Variants in COL7A1 observed in about 807,000 individuals in gnomAD.
COL7A1 encodes collagen alpha-1(VII) chain.
COL7A1 carries 296 observed loss-of-function variants against 456.2 expected under a neutral mutation model. The ratio of observed to expected loss-of-function variants is 0.65; its 90% CI spans 0.59 to 0.71. COL7A1 has a LOEUF of 0.71. COL7A1 is among the 30% of genes least tolerant of loss of function. COL7A1 has a pLI of 0.00. For missense variants in COL7A1, 3,441 were observed against 4,017.2 expected (o/e 0.86, Z 3.88); for synonymous variants, 1,464 against 1,525.9 (o/e 0.96, Z 0.95).
At position 48,570,728 on chromosome 3, in the gene COL7A1, C is replaced by A; in HGVS notation, c.7273-18G>T. ...GCCAGACCCTACCAGAAAAATGGGG[C>A]AAGAGAGGCAGAGAGTGACTTGGGA... On this transcript the variant is annotated intron_variant, in intron 95 of 118. Coordinates refer to ENST00000681320, the MANE Select transcript of COL7A1 (RefSeq NM_000094.4). The surrounding 1 kb of genome is among the most constrained non-coding windows in gnomAD (Gnocchi z 5.5). 3 of 1,567,496 alleles carry A rather than the reference C, an allele frequency of 1.9e-6. No individual in the cohort carries two copies. The highest frequency in any genetic ancestry group is 2.6e-6 in the Non-Finnish European group (3 of 1,155,164).
chr3:48,569,648 CCT>C lies in COL7A1; in HGVS notation c.7558-2_7558-1del. On this transcript the variant is annotated splice_acceptor_variant, in intron 101 of 118. Transcript: ENST00000681320. LOFTEE classifies it high-confidence loss of function. The surrounding 1 kb of genome is among the most constrained non-coding windows in gnomAD (Gnocchi z 4.9). ...GGCCCCAGGATCACAGCTGAGTCTC[CCT>C]GAGGGGGCAGGCAGGAATCAGAGGA... is the stretch of plus-strand genomic sequence containing the variant. The C allele has an allele frequency of 6.2e-7, 1 of 1,613,970 alleles. No homozygotes were observed. Among genetic ancestry groups the C allele is most frequent in the Non-Finnish European group, 8.5e-7 (1 of 1,179,948 alleles).
In COL7A1 at chr3:48,564,815, C is replaced by A; in HGVS notation, c.8786G>T (p.Cys2929Phe). 1 of 1,614,024 alleles carries A rather than the reference C, an allele frequency of 6.2e-7. No homozygotes were observed. Among genetic ancestry groups the A allele is most frequent in the East Asian group, 2.2e-5 (1 of 44,868 alleles). The change falls in exon 118 of 119, where the codon TGC (cysteine) becomes TTC (phenylalanine). Residue 2929 changes from cysteine to phenylalanine, a missense_variant. Physicochemically the swap from Cys to Phe is radical, Grantham distance 205. Around this residue, in one of 3 missense-constraint regions of COL7A1, gnomAD observed 2,084 missense variants for 2,501.3 expected, o/e 0.83. Transcript: ENST00000681320. This position sits in a 1 kb window ranked among gnomAD's most constrained non-coding sequence, Gnocchi z 6.0. Reference sequence around the variant, plus strand: ...CTGGCTCTGGACCACCCGGGGTGGGCAGCGGCGCTCGCAGGCCTCACGGGT... The same window carrying A: ...CTGGCTCTGGACCACCCGGGGTGGGAAGCGGCGCTCGCAGGCCTCACGGGT... The part of the protein sequence containing the change: ...FGTREACERR[C>F]PPRVVQSQGT...
In COL7A1 at chr3:48,564,994, G is replaced by C; in HGVS notation, c.8621-14C>G. On this transcript the variant is annotated splice_polypyrimidine_tract_variant and intron_variant, in intron 117 of 118. Coordinates refer to ENST00000681320, the MANE Select transcript of COL7A1 (RefSeq NM_000094.4). The surrounding 1 kb of genome is among the most constrained non-coding windows in gnomAD (Gnocchi z 6.0). ...GGGAACAGGGGTCTGGGCCAATGGG[G>C]TCAAGTCAGCAGGGTTTGTGGGAAT... 6.2e-7 allele frequency: 1 copy of C among 1,614,140 alleles called. No individual in the cohort carries two copies. Among genetic ancestry groups the C allele is most frequent in the Non-Finnish European group, 8.5e-7 (1 of 1,179,990 alleles).
intron 1 of COL7A1, 31 bp from the exon 2 acceptor site, chr3:48,595,191 C>T (rs1303735103): frequency 6.5e-7 from 1 of 1,530,814 alleles, no homozygotes; most frequent in Non-Finnish European, 8.8e-7. Flanking sequence ...GCTAGGACCC[C>T]CGCCTCTGTC....
Position 48,573,161 on chromosome 3 carries a change from G to A in COL7A1, c.6714+13C>T, listed in dbSNP as rs773128052. 1 of 1,614,046 alleles carries A rather than the reference G, an allele frequency of 6.2e-7. No individual in the cohort carries two copies. The highest frequency in any genetic ancestry group is 8.5e-7 in the Non-Finnish European group (1 of 1,179,944). ...ACACGGTGTCCCTACAGGGGCCACA[G>A]GGACTCACTCACCACAAGGCCTGAA... On this transcript the variant is annotated intron_variant, in intron 85 of 118. Transcript: ENST00000681320. This position sits in a 1 kb window ranked among gnomAD's most constrained non-coding sequence, Gnocchi z 5.5.
rs780130738 is a variant in COL7A1, at chr3:48,566,515, G to A, written c.8353C>T (p.Leu2785=). 8 of 1,613,670 alleles carry A rather than the reference G, an allele frequency of 5.0e-6. No homozygotes were observed. Among genetic ancestry groups the A allele is most frequent in the South Asian group, 1.1e-5 (1 of 91,084 alleles). ...CCATCCAGGCCCACACTCACCGTCA[G>A]TGCAGCTTCTCCCTTCTCGCCTCGA... ...GPRGEKGEAA[L]TEDDIRGFVR... is the part of the protein sequence containing the mutation. The change falls in exon 113 of 119, where the codon CTG becomes TTG. Residue 2785 remains leucine, a synonymous_variant. Transcript: ENST00000681320. This position sits in a 1 kb window ranked among gnomAD's most constrained non-coding sequence, Gnocchi z 5.9.
chr3:48,568,818 C>T lies in COL7A1; in HGVS notation c.7724G>A (p.Gly2575Glu), dbSNP rs1241915553. Residue 2575 changes from glycine (G) to glutamate (E), a missense_variant, in exon 104 of 119, where the codon GGG becomes GAG. This residue lies in a region of COL7A1 where 2,084 missense variants were observed against 2,501.3 expected (regional missense o/e 0.83). Coordinates refer to ENST00000681320, the MANE Select transcript of COL7A1 (RefSeq NM_000094.4). This position sits in a 1 kb window ranked among gnomAD's most constrained non-coding sequence, Gnocchi z 5.2. ...KGEPGDKGSA[G>E]LPGLRGLLGP... ...CAGGAGTCCACGCAGTCCTGGCAAC[C>T]CGGCTGAGCCCTTGTCACCAGGCTC... 6.3e-7 allele frequency: 1 copy of T among 1,576,110 alleles called. No homozygotes were observed. Among genetic ancestry groups the T allele is most frequent in the Non-Finnish European group, 8.6e-7 (1 of 1,159,792 alleles).
chr3:48,589,524 C>T (rs2045541563), intron 17 of COL7A1, 54 bp from the exon 18 acceptor site: 2 of 1,612,742 alleles, frequency 1.2e-6, no homozygotes, highest in South Asian at 1.1e-5. Flanking sequence ...TGCCCCAGAG[C>T]CCCACCTGGA....
rs147553715 is a variant in COL7A1, at chr3:48,574,465, G to T, written c.6456+23C>A. The T allele has an allele frequency of 2.5e-6, 4 of 1,614,116 alleles. No homozygotes were observed. The highest frequency in any genetic ancestry group is 3.4e-6 in the Non-Finnish European group (4 of 1,180,018). ...GTGAGAGCCACCTTCTTGCACATGT[G>T]TGGCTGTTGGGCAAGGACTTACCGG... On this transcript the variant is annotated intron_variant, in intron 79 of 118. Coordinates refer to ENST00000681320, the MANE Select transcript of COL7A1 (RefSeq NM_000094.4). The surrounding 1 kb of genome is among the most constrained non-coding windows in gnomAD (Gnocchi z 5.0).
Position 48,590,463 on chromosome 3 carries a change from G to A in COL7A1, c.1902C>T (p.Gly634=), listed in dbSNP as rs777499414. ...ASGFRISWST[G]SGPESSQTLP... ...CCCCACACACCCCACACTGACCACT[G>A]CCTGTGCTCCAGCTAATCCGAAATC... Residue 634 remains glycine, a synonymous_variant, in exon 15 of 119, where the codon GGC becomes GGT. Transcript: ENST00000681320. This position sits in a 1 kb window ranked among gnomAD's most constrained non-coding sequence, Gnocchi z 4.6. 2 of 1,614,006 alleles carry A rather than the reference G, an allele frequency of 1.2e-6. No individual in the cohort carries two copies. Among genetic ancestry groups the A allele is most frequent in the Admixed American group, 3.3e-5 (2 of 59,998 alleles).
In COL7A1 at chr3:48,572,027, C is replaced by A; in HGVS notation, c.7042G>T (p.Gly2348Trp). 6.2e-7 allele frequency: 1 copy of A among 1,612,910 alleles called. No homozygotes were observed. Among genetic ancestry groups the A allele is most frequent in the South Asian group, 1.1e-5 (1 of 90,810 alleles). ...RGEKGEAGRAGEPGDPGEDGQ... is the reference protein window; with the variant it reads ...RGEKGEAGRAWEPGDPGEDGQ... ...TCTTCCCCAGGGTCTCCGGGCTCCCCTGCACGGCCAGCTTCACCCTGCACA... is the reference window on the plus strand; with the variant it reads ...TCTTCCCCAGGGTCTCCGGGCTCCCATGCACGGCCAGCTTCACCCTGCACA... The change falls in exon 92 of 119, where the codon GGG becomes TGG. Residue 2348 changes from glycine (G) to tryptophan (W), a missense_variant. By Grantham distance (184) the Gly-to-Trp change is radical. This residue lies in a region of COL7A1 where 2,084 missense variants were observed against 2,501.3 expected (regional missense o/e 0.83). Coordinates refer to ENST00000681320, the MANE Select transcript of COL7A1 (RefSeq NM_000094.4). This position sits in a 1 kb window ranked among gnomAD's most constrained non-coding sequence, Gnocchi z 4.6.
chr3:48,566,608 G>C lies in COL7A1; in HGVS notation c.8305-45C>G. The C allele has an allele frequency of 6.2e-7, 1 of 1,614,132 alleles. No individual in the cohort carries two copies. The highest frequency in any genetic ancestry group is 8.5e-7 in the Non-Finnish European group (1 of 1,180,016). On this transcript the variant is annotated intron_variant, in intron 112 of 118. Transcript: ENST00000681320. The surrounding 1 kb of genome is among the most constrained non-coding windows in gnomAD (Gnocchi z 5.9). ...CCAGGCTGTGACCTCTGACCTCAGG[G>C]ACAACAGAAGTCACCCCGATCTCTG...
rs957837700 is a variant in COL7A1 at position 48,592,137 on chromosome 3, C to T, written c.1205G>A (p.Ser402Asn). Reference protein sequence around the residue: ...EVTVSTLFGRSVGPATSLMAR... With the variant: ...EVTVSTLFGRNVGPATSLMAR... ...CATCAGGGAAGTGGCGGGCCCCACA[C>T]TGCGGCCAAATAGGGTGCTCACGGT... The change falls in exon 10 of 119, where the codon AGT becomes AAT. Residue 402 changes from serine to asparagine, a missense_variant. Transcript: ENST00000681320. The surrounding 1 kb of genome is among the most constrained non-coding windows in gnomAD (Gnocchi z 7.6). The T allele has an allele frequency of 9.3e-6, 15 of 1,614,128 alleles. No homozygotes were observed. Among genetic ancestry groups the T allele is most frequent in the Non-Finnish European group, 1.1e-5 (13 of 1,180,020 alleles).
rs1480085319 is a variant in COL7A1, at chr3:48,587,328, C to T, written c.3001G>A (p.Gly1001Arg). The T allele has an allele frequency of 6.2e-7, 1 of 1,603,032 alleles. No homozygotes were observed. The highest frequency in any genetic ancestry group is 8.5e-7 in the Non-Finnish European group (1 of 1,174,776). The change falls in exon 24 of 119, where the codon GGG becomes AGG. Residue 1001 changes from glycine to arginine, a missense_variant. By Grantham distance (125) the Gly-to-Arg change is moderately radical. Transcript: ENST00000681320. The surrounding 1 kb of genome is among the most constrained non-coding windows in gnomAD (Gnocchi z 6.1). ...ATCCCTGGAAGTGTCTGCGGGGACC[C>T]AGGCACTTCTGCAGGAGACAGAACT... ...PLRGPGQEVP[G>R]SPQTLPGISS... is the part of the protein sequence containing the mutation.
rs1000084975 is a variant in COL7A1, at chr3:48,585,552, C to A, written c.3894+5G>T. ...CAGAGAAACCTCGATGGTCTCCACACTCACCCTCTCGCCCTTGGCAGTGGC... is the reference window on the plus strand; with the variant it reads ...CAGAGAAACCTCGATGGTCTCCACAATCACCCTCTCGCCCTTGGCAGTGGC... On this transcript the variant is annotated splice_donor_5th_base_variant and intron_variant, in intron 32 of 118. Coordinates refer to ENST00000681320, the MANE Select transcript of COL7A1 (RefSeq NM_000094.4). The surrounding 1 kb of genome is among the most constrained non-coding windows in gnomAD (Gnocchi z 4.5). 1.2e-6 allele frequency: 2 copies of A among 1,613,820 alleles called. No individual in the cohort carries two copies. Among genetic ancestry groups the A allele is most frequent in the Non-Finnish European group, 1.7e-6 (2 of 1,179,962 alleles).
chr3:48,572,692 G>A lies in COL7A1; in HGVS notation c.6879C>T (p.Gly2293=), dbSNP rs989603519. ...PGPVGPKGEP[G]PTGAPGQAVV... ...TCACCTGTCCAGGGGCCCCCGTGGG[G>A]CCAGGTTCTCCTTTAGGTCCGACAG... The change falls in exon 88 of 119, where the codon GGC becomes GGT. Residue 2293 remains glycine, a synonymous_variant. Transcript: ENST00000681320. The surrounding 1 kb of genome is among the most constrained non-coding windows in gnomAD (Gnocchi z 4.6). 1.9e-6 allele frequency: 3 copies of A among 1,607,072 alleles called. No homozygotes were observed. The highest frequency in any genetic ancestry group is 2.5e-6 in the Non-Finnish European group (3 of 1,176,800).
In COL7A1 at chr3:48,583,583, T is replaced by G. The variant is rs751278167; in HGVS notation, c.4374A>C (p.Pro1458=). ...GCTCACCCGGAGACCCAGGTTGTCC[T>G]GGGAGGCCTGGAGCTCCATCCTCAG... ...GDSEDGAPGL[P]GQPGSPGEQG... The change falls in exon 41 of 119, where the codon CCA becomes CCC. Residue 1458 remains proline (P), a synonymous_variant. Coordinates refer to ENST00000681320, the MANE Select transcript of COL7A1 (RefSeq NM_000094.4). This position sits in a 1 kb window ranked among gnomAD's most constrained non-coding sequence, Gnocchi z 5.1. 6.2e-7 allele frequency: 1 copy of G among 1,614,012 alleles called. No homozygotes were observed. The highest frequency in any genetic ancestry group is 1.1e-5 in the South Asian group (1 of 91,082).
In COL7A1 at chr3:48,590,625, C is replaced by T; in HGVS notation, c.1781-41G>A. ...AGAAGTCAGAAGTCAGAACCAGGAC[C>T]AGAGTGAGGCAGGCAGCTGTCCTCC... On this transcript the variant is annotated intron_variant, in intron 14 of 118. Coordinates refer to ENST00000681320, the MANE Select transcript of COL7A1 (RefSeq NM_000094.4). This position sits in a 1 kb window ranked among gnomAD's most constrained non-coding sequence, Gnocchi z 4.6. 1 of 1,614,028 alleles carries T rather than the reference C, an allele frequency of 6.2e-7. No individual in the cohort carries two copies. The highest frequency in any genetic ancestry group is 8.5e-7 in the Non-Finnish European group (1 of 1,180,030).
Position 48,588,773 on chromosome 3 carries a change from T to G in COL7A1, c.2456A>C (p.His819Pro). The change falls in exon 20 of 119, where the codon CAC becomes CCC. Residue 819 changes from histidine to proline, a missense_variant. Physicochemically the swap from His to Pro is moderately conservative, Grantham distance 77. This residue lies in a region of COL7A1 where 444 missense variants were observed against 427.6 expected (regional missense o/e 1.04). Coordinates refer to ENST00000681320, the MANE Select transcript of COL7A1 (RefSeq NM_000094.4). The surrounding 1 kb of genome is among the most constrained non-coding windows in gnomAD (Gnocchi z 4.6). ...WGRSEGGPMR[H>P]QILPGNTDSA... Reference sequence around the variant, plus strand: ...GTCTGTGTTTCCTGGGAGTATCTGGTGCCTCATGGGGCCGCCTGGCCAGGT... The same window carrying G: ...GTCTGTGTTTCCTGGGAGTATCTGGGGCCTCATGGGGCCGCCTGGCCAGGT... 6.2e-7 allele frequency: 1 copy of G among 1,613,892 alleles called. No individual in the cohort carries two copies. The highest frequency in any genetic ancestry group is 1.1e-5 in the South Asian group (1 of 91,082).
Sources: allele counts gnomAD v4.1 joint callset, GRCh38; gene constraint gnomAD v4.1.1; regional missense constraint gnomAD v4.1.1; non-coding constraint Gnocchi (gnomAD v3.1); transcripts MANE v1.5; gene names NCBI Gene and HGNC (gene_info 2026-07-23, HGNC 2026-07-21).